NCAM2: variants seen among roughly 807,000 people sequenced by gnomAD.
NCAM2 encodes neural cell adhesion molecule 2.
Under a neutral mutation model 98.1 loss-of-function variants are expected in NCAM2, and 30 were observed. The observed-to-expected ratio is 0.31, with a 90% confidence interval of 0.23 to 0.41. The LOEUF (loss-of-function observed/expected upper bound fraction) is 0.41, where lower values mean the gene tolerates loss of function less well. Among genes scored for constraint, NCAM2 ranks in the 10% least tolerant of loss-of-function variants. The probability of loss-of-function intolerance (pLI) is 1.00; values close to 1 mark genes in which losing one functional copy is unlikely to be tolerated. For synonymous variants in NCAM2, 368 were observed against 342.4 expected (o/e 1.07, Z -0.83); for missense variants, 867 against 1,005.8 (o/e 0.86, Z 1.87).
intron 1 of NCAM2, among the ~76,000 whole-genome samples, chr21:21,024,951 A>C (rs2146200009): frequency 6.6e-6 from 1 of 152,298 alleles, no homozygotes; most frequent in Non-Finnish European, 1.5e-5. Context: ...TTTTCATTAA[A>C]AACTACTTTC....
chr21:21,290,561 T>C (rs751590713), intron 4 of NCAM2, among the ~76,000 whole-genome samples: 74 of 151,932 alleles, frequency 4.9e-4, no homozygotes, highest in Non-Finnish European at 8.7e-4. Flanking sequence ...TTTGTCTCTC[T>C]TCTTAGGTTC....
intron 1 of NCAM2, among the ~76,000 whole-genome samples, chr21:21,081,949 A>C (rs2065810895): frequency 6.6e-6 from 1 of 152,038 alleles, no homozygotes; most frequent in South Asian, 2.1e-4. Context: ...ATTTAAAAAA[A>C]GTTTTGGGCC....
At chr21:21,305,149 C>G (rs1051132283) in intron 5 of NCAM2, among the ~76,000 whole-genome samples, 1 of 151,964 alleles carries the variant, frequency 6.6e-6, no homozygotes, top group Non-Finnish European at 1.5e-5. Flanking sequence ...GTAATCCCGT[C>G]TCTATTAAAA....
intron 9 of NCAM2, among the ~76,000 whole-genome samples, chr21:21,392,814 ATTTG>A (rs1398081727): frequency 3.9e-5 from 6 of 152,040 alleles, no homozygotes; most frequent in South Asian, 2.1e-4. Context: ...TTTCTTGTAA[ATTTG>A]TTTAAGTTTC....
At chr21:21,321,247 T>G (rs1379881739) in intron 5 of NCAM2, among the ~76,000 whole-genome samples, 1 of 152,182 alleles carries the variant, frequency 6.6e-6, no homozygotes, top group African/African-American at 2.4e-5. Context: ...ATTTTCCCAT[T>G]TTTAATTGGA....
intron 1 of NCAM2, among the ~76,000 whole-genome samples, chr21:21,057,001 A>G (rs1301547870): frequency 2.0e-5 from 3 of 152,062 alleles, no homozygotes; most frequent in Admixed American, 6.6e-5. Context: ...ATTATAAAAA[A>G]TCCTACTCGT....
chr21:21,208,251 C>T (rs939422344), intron 1 of NCAM2, among the ~76,000 whole-genome samples: 2 of 152,062 alleles, frequency 1.3e-5, no homozygotes, highest in Non-Finnish European at 2.9e-5. Flanking sequence ...TAACAATGGA[C>T]AATGGTGTAT....
intron 15 of NCAM2, among the ~76,000 whole-genome samples, chr21:21,488,571 T>A (rs1384591054): frequency 5.3e-5 from 8 of 151,986 alleles, no homozygotes; most frequent in Admixed American, 1.3e-4. Context: ...TAATTCAAGA[T>A]GGATACTGAT....
chr21:21,216,577 T>A (rs1466212971), intron 1 of NCAM2, among the ~76,000 whole-genome samples: 2 of 152,216 alleles, frequency 1.3e-5, no homozygotes, highest in Non-Finnish European at 2.9e-5. Flanking sequence ...CCCAGTAGCA[T>A]TACTGTGAGA....
At chr21:21,136,714 C>G (rs12053681) in intron 1 of NCAM2, among the ~76,000 whole-genome samples, 2 of 150,384 alleles carry the variant, frequency 1.3e-5, no homozygotes, top group Non-Finnish European at 3.0e-5. Context: ...ACAGTCTGCC[C>G]GCCTCAGTCC....
chr21:21,000,010 C>T (rs2063990064), intron 1 of NCAM2, among the ~76,000 whole-genome samples: 1 of 152,188 alleles, frequency 6.6e-6, no homozygotes, highest in Non-Finnish European at 1.5e-5. Flanking sequence ...TAAGATTCTG[C>T]TCATTTTCCC....
At chr21:21,379,734 T>C (rs1415353281) in intron 9 of NCAM2, among the ~76,000 whole-genome samples, 2 of 152,104 alleles carry the variant, frequency 1.3e-5, no homozygotes, top group Non-Finnish European at 2.9e-5. Context: ...TGTTATTGTG[T>C]TTTAATGTCA....
In NCAM2 at chr21:21,284,265, G is replaced by A. The variant is rs368265311; in HGVS notation, c.202G>A (p.Val68Ile). 3.8e-5 allele frequency: 61 copies of A among 1,612,264 alleles called. No homozygotes were observed. The highest frequency in any genetic ancestry group is 5.1e-5 in the Non-Finnish European group (60 of 1,178,666). The stretch of plus-strand genomic sequence containing the variant: ...GAAGATAATTTCAACACAGAGGGTA[G>A]TAGTGCAAAAGGAAGGTGTTAGGTC... ...GEKIISTQRV[V>I]VQKEGVRSRL... The change falls in exon 3 of 18, where the codon GTA (valine) becomes ATA (isoleucine). Residue 68 changes from valine to isoleucine, a missense_variant. Around this residue, in one of 5 missense-constraint regions of NCAM2, gnomAD observed 447 missense variants for 495.7 expected, o/e 0.90. Coordinates refer to ENST00000400546, the MANE Select transcript of NCAM2 (RefSeq NM_004540.5).
At chr21:21,303,614 G>T (rs1287913409) in intron 5 of NCAM2, among the ~76,000 whole-genome samples, 3 of 152,008 alleles carry the variant, frequency 2.0e-5, no homozygotes, top group African/African-American at 7.2e-5. Flanking sequence ...ATATCTCTTG[G>T]TTAAATACCT....
At chr21:21,115,459 C>A (rs540725344) in intron 1 of NCAM2, among the ~76,000 whole-genome samples, 1 of 152,110 alleles carries the variant, frequency 6.6e-6, no homozygotes. Context: ...CCACTTAATT[C>A]ATCACCACTC....
intron 1 of NCAM2, among the ~76,000 whole-genome samples, chr21:21,227,202 A>G (rs13047738): frequency 0.31 from 47,739 of 151,620 alleles, 8,341 homozygotes; most frequent in Non-Finnish European, 0.4. Context: ...GAAAAGAAAA[A>G]TAATACTATT....
chr21:21,193,521 G>A (rs2068896884), intron 1 of NCAM2, among the ~76,000 whole-genome samples: 1 of 145,938 alleles, frequency 6.9e-6, no homozygotes, highest in Non-Finnish European at 1.5e-5. Flanking sequence ...TTTTGAGACG[G>A]AGTCTCGCTC....
At chr21:21,139,574 G>A (rs2067125845) in intron 1 of NCAM2, among the ~76,000 whole-genome samples, 1 of 152,132 alleles carries the variant, frequency 6.6e-6, no homozygotes, top group South Asian at 2.1e-4. Context: ...ACAGTCTATA[G>A]ATATTTTATC....
At chr21:21,311,815 C>A (rs2074063293) in intron 5 of NCAM2, among the ~76,000 whole-genome samples, 2 of 151,902 alleles carry the variant, frequency 1.3e-5, no homozygotes, top group African/African-American at 4.8e-5. Flanking sequence ...ATGTTTATTG[C>A]TAATATGCAT....
Sources: gnomAD v4.1 joint callset for allele counts (sites outside exome capture counted in the v4.1 genomes callset) on GRCh38, gnomAD v4.1.1 for gene constraint, gnomAD v4.1.1 regional missense constraint, MANE v1.5 for transcripts, NCBI Gene and HGNC (gene_info 2026-07-23, HGNC 2026-07-21) for gene names.